NBEA: variants seen among roughly 807,000 people sequenced by gnomAD.
The protein encoded by NBEA is neurobeachin.
Under a neutral mutation model 343.4 loss-of-function variants are expected in NBEA, and 44 were observed. The observed-to-expected ratio is 0.13, with a 90% confidence interval of 0.10 to 0.16. NBEA has a LOEUF of 0.16. NBEA is among the 10% of genes least tolerant of loss of function. NBEA has a pLI of 1.00. For synonymous variants in NBEA, 1,175 were observed against 1,238.7 expected, an observed-to-expected ratio of 0.95 and a Z score of 1.08; for missense variants, 2,555 against 3,631.3, an observed-to-expected ratio of 0.70 and a Z score of 7.62.
At chr13:35,030,008 T>C (rs1458088672) in intron 1 of NBEA, among the ~76,000 whole-genome samples, 1 of 151,638 alleles carries the variant, frequency 6.6e-6, no homozygotes, top group East Asian at 1.9e-4. Flanking sequence ...ACTGTGCAAA[T>C]AGAGTATCAC....
intron 41 of NBEA, among the ~76,000 whole-genome samples, chr13:35,488,470 G>T (rs992813489): frequency 2.0e-5 from 3 of 151,834 alleles, no homozygotes; most frequent in African/African-American, 7.2e-5. Context: ...TATCAATTTT[G>T]CTTTGTCAAT....
At chr13:35,015,487 C>T (rs1476643612) in intron 1 of NBEA, among the ~76,000 whole-genome samples, 1 of 151,922 alleles carries the variant, frequency 6.6e-6, no homozygotes, top group Non-Finnish European at 1.5e-5. Flanking sequence ...AGCTAACAAA[C>T]AGTATATACA....
At chr13:35,013,249 A>G (rs973409777) in intron 1 of NBEA, among the ~76,000 whole-genome samples, 4 of 152,214 alleles carry the variant, frequency 2.6e-5, no homozygotes, top group African/African-American at 9.6e-5. Context: ...CAGTGTTTGT[A>G]TATAACCCAA....
chr13:35,103,315 A>G (rs1046972225), intron 11 of NBEA, among the ~76,000 whole-genome samples: 2 of 151,520 alleles, frequency 1.3e-5, no homozygotes, highest in African/African-American at 4.8e-5. Flanking sequence ...CTGTCCTGTG[A>G]TTATTTCTCA....
rs542479440 is a variant in NBEA, at chr13:35,639,707, T to C, written c.7618-6162T>C. Among the ~76,000 whole-genome samples, 5 of 152,306 alleles carry C rather than the reference T, an allele frequency of 3.3e-5. No individual in the cohort carries two copies. In the South Asian group the frequency reaches 8.3e-4, roughly 25 times the overall value. On this transcript the variant is annotated intron_variant, in intron 49 of 58. Coordinates refer to ENST00000379939, the MANE Select transcript of NBEA (RefSeq NM_001385012.1). ...CTTTTACTACTTTTTTCTTGAATTT[T>C]CTGAAAATTGTTAGTGAATTTACTG...
intron 13 of NBEA, among the ~76,000 whole-genome samples, chr13:35,115,557 A>G (rs1414931554): frequency 2.0e-5 from 3 of 152,178 alleles, no homozygotes; most frequent in South Asian, 2.1e-4. Context: ...ATGTATTACT[A>G]ATTTATTGTT....
At chr13:35,497,701 C>G (rs1303425179) in intron 41 of NBEA, among the ~76,000 whole-genome samples, 1 of 151,990 alleles carries the variant, frequency 6.6e-6, no homozygotes, top group African/African-American at 2.4e-5. Flanking sequence ...TGTATATTAT[C>G]TCTTTTAATG....
Position 35,499,956 on chromosome 13 carries a change from A to G in NBEA, c.6585+27420A>G, listed in dbSNP as rs148655121. Among the ~76,000 whole-genome samples, 811 of 152,010 alleles carry G rather than the reference A, an allele frequency of 5.3e-3. 9 individuals carry two copies. The highest frequency in any genetic ancestry group is 0.018 in the African/African-American group (743 of 41,508). ...TTGTAGTCATTTTAAAATCATTAAG[A>G]CTCTGAATGCACAGTCTCATTCTAC... On this transcript the variant is annotated intron_variant, in intron 41 of 58. Coordinates refer to ENST00000379939, the MANE Select transcript of NBEA (RefSeq NM_001385012.1).
intron 36 of NBEA, among the ~76,000 whole-genome samples, chr13:35,319,916 C>G (rs1221611277): frequency 7.0e-6 from 1 of 143,448 alleles, no homozygotes; most frequent in Admixed American, 6.9e-5. Flanking sequence ...ATTGCAACCT[C>G]TGCTTTTTTT....
chr13:35,551,208 A>G (rs2153013352), intron 43 of NBEA, among the ~76,000 whole-genome samples, 176 bp downstream of exon 43: 1 of 152,290 alleles, frequency 6.6e-6, no homozygotes, highest in East Asian at 1.9e-4. Context: ...TGAGAATGAC[A>G]GAATGGTTAG....
At chr13:35,445,788 A>ATATATATATATATATATATATATG (rs1566144437) in intron 39 of NBEA, among the ~76,000 whole-genome samples, 2 of 61,706 alleles carry the variant, frequency 3.2e-5, no homozygotes, top group Admixed American at 1.3e-4. Flanking sequence ...ATGTTTATAT[A>ATATATATATATATATATATATATG]TATATATATA....
At chr13:35,440,766 TGATA>T (rs543358566) in intron 39 of NBEA, among the ~76,000 whole-genome samples, 205 of 152,214 alleles carry the variant, frequency 1.3e-3, no homozygotes, top group Non-Finnish European at 2.1e-3. Context: ...AAATAATAAG[TGATA>T]GATAGAGCTA....
intron 40 of NBEA, among the ~76,000 whole-genome samples, chr13:35,453,755 A>C (rs1003065474): frequency 2.0e-5 from 3 of 152,194 alleles, no homozygotes; most frequent in African/African-American, 7.2e-5. Flanking sequence ...GTTTATTATA[A>C]GACTGCCCAG....
intron 37 of NBEA, among the ~76,000 whole-genome samples, chr13:35,351,131 G>A (rs937060315): frequency 3.3e-5 from 5 of 151,958 alleles, no homozygotes; most frequent in African/African-American, 9.6e-5. Flanking sequence ...GATTACTTGT[G>A]GTAGTAGTGT....
intron 1 of NBEA, among the ~76,000 whole-genome samples, chr13:34,954,846 TG>T (rs774931674): frequency 1.4e-4 from 22 of 152,228 alleles, no homozygotes; most frequent in African/African-American, 4.3e-4. Flanking sequence ...TCAATACAGA[TG>T]CAACCATCTA....
At chr13:35,308,584 G>GTA (rs1382467254) in intron 35 of NBEA, among the ~76,000 whole-genome samples, 1 of 129,594 alleles carries the variant, frequency 7.7e-6, no homozygotes, top group Non-Finnish European at 1.6e-5. Context: ...ATGTATATAT[G>GTA]TATATATGTA....
intron 7 of NBEA, 110 bp from the exon 8 acceptor site, chr13:35,058,607 A>G: frequency 1.1e-5 from 9 of 844,130 alleles, no homozygotes; most frequent in Admixed American, 2.7e-5. Flanking sequence ...GCTTTCTTCT[A>G]TTATTATTGT....
chr13:35,014,007 C>T (rs897992545), intron 1 of NBEA, among the ~76,000 whole-genome samples: 7 of 152,040 alleles, frequency 4.6e-5, no homozygotes, highest in Non-Finnish European at 8.8e-5. Context: ...ATGCCTGACC[C>T]GTTTATTGTT....
rs142383676 is a variant in NBEA, at chr13:35,274,834, C to A, written c.5777-15555C>A. The stretch of plus-strand genomic sequence containing the variant: ...GACCTCTTCAAGGAGAACTACAAAC[C>A]ACTGCTCAATGAAATAAAAGAGGAC... On this transcript the variant is annotated intron_variant, in intron 34 of 58. Transcript: ENST00000379939. Among the ~76,000 whole-genome samples the A allele has an allele frequency of 2.7e-3, 418 of 152,170 alleles. 3 individuals are homozygous for A. The highest frequency in any genetic ancestry group is 3.7e-3 in the Non-Finnish European group (249 of 67,978).
Sources: gnomAD v4.1 joint callset for allele counts (sites outside exome capture counted in the v4.1 genomes callset) on GRCh38, gnomAD v4.1.1 for gene constraint, MANE v1.5 for transcripts, NCBI Gene and HGNC (gene_info 2026-07-23, HGNC 2026-07-21) for gene names.